The following NHSL2 variants were observed in gnomAD, a reference collection of about 807,000 sequenced individuals.
The protein encoded by NHSL2 is NHS like 2.
A neutral mutation model predicts 53.4 loss-of-function variants in NHSL2; 27 were observed. That is an observed-to-expected ratio of 0.51 (90% CI 0.37 to 0.70). NHSL2 has a LOEUF of 0.70. Ranked by LOEUF, NHSL2 falls within the 30% of genes least tolerant of loss-of-function variation. The pLI, the probability that NHSL2 is intolerant of heterozygous loss-of-function variation, is 0.00. For synonymous variants in NHSL2, 408 were observed against 404.1 expected, an observed-to-expected ratio of 1.01 and a Z score of -0.12; for missense variants, 892 against 980.1, an observed-to-expected ratio of 0.91 and a Z score of 1.20.
chrX:72,099,673 T>G (rs2041975420), intron 1 of NHSL2, among the ~76,000 whole-genome samples: 1 of 111,852 alleles, frequency 8.9e-6, no homozygotes, highest in African/African-American at 3.3e-5. Context: ...CGGCCACCAG[T>G]ATCCCCATTT....
chrX:71,980,563 GTGTGGGGTGTGT>G (rs2041972376), intron 1 of NHSL2, among the ~76,000 whole-genome samples: 29 of 5,980 alleles, frequency 4.8e-3, no homozygotes, highest in Admixed American at 0.012. Context: ...TGTGTGGGGT[GTGTGGGGTGTGT>G]GTGTGTGTGT....
chrX:72,036,624 G>C (rs2042242749), intron 1 of NHSL2, among the ~76,000 whole-genome samples: 1 of 111,000 alleles, frequency 9.0e-6, no homozygotes, highest in Non-Finnish European at 1.9e-5. Flanking sequence ...ACAAATCTTA[G>C]ATCTTTTTTT....
At chrX:72,037,434 A>G (rs2042247328) in intron 1 of NHSL2, among the ~76,000 whole-genome samples, 1 of 109,121 alleles carries the variant, frequency 9.2e-6, no homozygotes, top group Non-Finnish European at 1.9e-5. Context: ...AAAAAAAAAG[A>G]AAAAAAAACA....
rs955899836 is a variant in NHSL2, at chrX:72,018,342, G to T, written c.280+106975G>T. ...GCTTGACCCCGGCCCTCGCCTCACC[G>T]TTCCCCCGCCCAGTTTCCCTCTTGT... is the stretch of plus-strand genomic sequence containing the variant. On this transcript the variant is annotated intron_variant, in intron 1 of 7. Coordinates refer to ENST00000633930, the MANE Select transcript of NHSL2 (RefSeq NM_001013627.3). Among the ~76,000 whole-genome samples the T allele has an allele frequency of 1.6e-3, 176 of 111,930 alleles. 1 individual carries two copies. The highest frequency in any genetic ancestry group is 3.9e-3 in the Admixed American group (42 of 10,709).
At position 72,144,673 on chromosome X, in the gene NHSL2, G is replaced by C. The variant is rs1285651846; in HGVS notation, c.*1099G>C. ...AAAAGGATCTATCCAAAATCTAAAAGGCAGTCTTGCCAGTTGCTATGGCCC... is the reference window on the plus strand; with the variant it reads ...AAAAGGATCTATCCAAAATCTAAAACGCAGTCTTGCCAGTTGCTATGGCCC... On this transcript the variant is annotated 3_prime_UTR_variant, in exon 8 of 8. Coordinates refer to ENST00000633930, the MANE Select transcript of NHSL2 (RefSeq NM_001013627.3). 1.6e-5 allele frequency: 8 copies of C among 493,738 alleles called. No individual in the cohort carries two copies. The East Asian group carries it at 6.1e-4, about 38-fold the overall frequency. The allele number at this position is 493,738 out of a possible 1,213,427, so 40.7% of individuals were successfully genotyped here.
chrX:72,038,824 A>T (rs2042255161), intron 1 of NHSL2, among the ~76,000 whole-genome samples: 1 of 111,792 alleles, frequency 8.9e-6, no homozygotes, highest in Non-Finnish European at 1.9e-5. Flanking sequence ...ATAAAATAGG[A>T]CATAATGGTA....
At chrX:71,932,549 A>T (rs1291429158) in intron 1 of NHSL2, among the ~76,000 whole-genome samples, 1 of 111,790 alleles carries the variant, frequency 8.9e-6, no homozygotes, top group East Asian at 2.8e-4. Context: ...AGGGAGGGCT[A>T]GATGAAGGTG....
intron 1 of NHSL2, among the ~76,000 whole-genome samples, chrX:71,974,419 T>A (rs1300196323): frequency 1.8e-5 from 2 of 112,141 alleles, no homozygotes; most frequent in African/African-American, 6.5e-5. Context: ...AAGTAGCTAT[T>A]CTCCAGAATA....
At chrX:71,955,643 C>T (rs2041839631) in intron 1 of NHSL2, among the ~76,000 whole-genome samples, 1 of 110,606 alleles carries the variant, frequency 9.0e-6, no homozygotes, top group Admixed American at 9.6e-5. Flanking sequence ...AGGCAAAAAA[C>T]AAAGTCAATT....
intron 1 of NHSL2, among the ~76,000 whole-genome samples, chrX:72,008,210 C>T (rs1456607301): frequency 1.8e-5 from 2 of 112,552 alleles, no homozygotes; most frequent in Non-Finnish European, 3.8e-5. Flanking sequence ...GAGTTGTTGC[C>T]CACACTCTGT....
At chrX:71,982,517 A>C (rs959837502) in intron 1 of NHSL2, among the ~76,000 whole-genome samples, 3 of 112,193 alleles carry the variant, frequency 2.7e-5, no homozygotes, top group African/African-American at 9.7e-5. Context: ...TGGTCACTGG[A>C]AAGACCAAGG....
chrX:72,098,417 A>G (rs2041960696), intron 1 of NHSL2, among the ~76,000 whole-genome samples: 1 of 110,560 alleles, frequency 9.0e-6, no homozygotes, highest in Non-Finnish European at 1.9e-5. Context: ...CGTCTCTACT[A>G]AAAATACAAA....
rs2042479298 is a variant in NHSL2 at position 72,148,311 on chromosome X, C to T, written c.*4737C>T. On this transcript the variant is annotated 3_prime_UTR_variant, in exon 8 of 8. Coordinates refer to ENST00000633930, the MANE Select transcript of NHSL2 (RefSeq NM_001013627.3). Reference sequence around the variant, plus strand: ...TCCAGTATTGGTGGTGATTATTAAACTTATTGGAGGTACAACTTTACCTCC... The same window carrying T: ...TCCAGTATTGGTGGTGATTATTAAATTTATTGGAGGTACAACTTTACCTCC... 8.9e-6 allele frequency: 1 copy of T among 111,788 alleles called. No homozygotes were observed. Among genetic ancestry groups the T allele is most frequent in the Non-Finnish European group, 1.9e-5 (1 of 53,187 alleles). The allele number at this position is 111,788 out of a possible 1,213,427, so 9.2% of individuals were successfully genotyped here. A position where few individuals can be genotyped will look rare whatever the true frequency, so the allele number is the denominator to read the frequency against.
intron 1 of NHSL2, among the ~76,000 whole-genome samples, chrX:71,948,563 G>A (rs1443873351): frequency 1.8e-5 from 2 of 111,432 alleles, no homozygotes; most frequent in East Asian, 2.8e-4. Flanking sequence ...CAGGCACGGT[G>A]GCTCACGCCT....
intron 1 of NHSL2, among the ~76,000 whole-genome samples, chrX:71,993,379 G>T (rs1055952231): frequency 6.2e-5 from 7 of 112,124 alleles, no homozygotes; most frequent in Non-Finnish European, 1.1e-4. Context: ...CCATGGAGGG[G>T]ATTCTGGGGT....
At chrX:71,960,874 C>G (rs1231033023) in intron 1 of NHSL2, among the ~76,000 whole-genome samples, 1 of 111,679 alleles carries the variant, frequency 9.0e-6, no homozygotes, top group Non-Finnish European at 1.9e-5. Flanking sequence ...TGTTGGAAGA[C>G]CATGTGAATT....
intron 1 of NHSL2, among the ~76,000 whole-genome samples, chrX:72,103,595 C>T (rs975651237): frequency 8.9e-6 from 1 of 111,836 alleles, no homozygotes; most frequent in Non-Finnish European, 1.9e-5. Context: ...GGCCTCTTCA[C>T]AGCTCCAAAT....
intron 1 of NHSL2, among the ~76,000 whole-genome samples, chrX:72,030,255 C>A (rs1243955461): frequency 1.8e-5 from 2 of 112,037 alleles, no homozygotes; most frequent in Non-Finnish European, 3.8e-5. Flanking sequence ...TTTGGCTCAC[C>A]TTTGCCCCGT....
chrX:72,034,831 AT>A (rs762030821), intron 1 of NHSL2, among the ~76,000 whole-genome samples: 16 of 111,930 alleles, frequency 1.4e-4, no homozygotes, highest in Non-Finnish European at 2.6e-4. Context: ...CTTACTAGAC[AT>A]TTATCAATTT....
Sources: gnomAD v4.1 joint callset for allele counts (sites outside exome capture counted in the v4.1 genomes callset) on GRCh38, gnomAD v4.1.1 for gene constraint, MANE v1.5 for transcripts, NCBI Gene and HGNC (gene_info 2026-07-23, HGNC 2026-07-21) for gene names.